Variants in RNF6 observed in about 807,000 individuals in gnomAD.
RNF6 encodes the protein ring finger protein 6.
A neutral mutation model predicts 50.1 loss-of-function variants in RNF6; 21 were observed. The ratio of observed to expected loss-of-function variants is 0.42; its 90% CI spans 0.30 to 0.60. The LOEUF (loss-of-function observed/expected upper bound fraction) is 0.60. Ranked by LOEUF, RNF6 falls within the 20% of genes least tolerant of loss-of-function variation. The probability of loss-of-function intolerance (pLI) is 0.20; values close to 1 mark genes in which losing one functional copy is unlikely to be tolerated. For missense variants in RNF6, 698 were observed against 838.2 expected (o/e 0.83, Z 2.07); for synonymous variants, 255 against 291.8 (o/e 0.87, Z 1.29).
At chr13:26,171,432 G>A (rs1307729663) in intron 5 of RNF6, among the ~76,000 whole-genome samples, 2 of 152,158 alleles carry the variant, frequency 1.3e-5, no homozygotes, top group South Asian at 2.1e-4. Flanking sequence ...GAAATTGAAA[G>A]CATTGTGCAT....
intron 5 of RNF6, among the ~76,000 whole-genome samples, chr13:26,167,924 C>A (rs929410682): frequency 2.0e-5 from 3 of 152,152 alleles, no homozygotes; most frequent in African/African-American, 7.2e-5. Flanking sequence ...AGGCTATTAT[C>A]CTTAGCAAAC....
intron 5 of RNF6, among the ~76,000 whole-genome samples, chr13:26,202,998 T>G (rs564801): frequency 0.21 from 31,203 of 152,166 alleles, 3,433 homozygotes; most frequent in African/African-American, 0.27. Flanking sequence ...TTAACCCCAC[T>G]AGGTAAGTGT....
At chr13:26,156,672 A>G (rs943199554) in intron 5 of RNF6, among the ~76,000 whole-genome samples, 4 of 152,222 alleles carry the variant, frequency 2.6e-5, no homozygotes, top group Admixed American at 6.5e-5. Flanking sequence ...TCTGACCACA[A>G]TGCAATAAAA....
In RNF6 at chr13:26,214,349, C is replaced by G; in HGVS notation, c.1533G>C (p.Gln511His). The G allele has an allele frequency of 1.9e-6, 3 of 1,614,134 alleles. No individual in the cohort carries two copies. The highest frequency in any genetic ancestry group is 2.5e-6 in the Non-Finnish European group (3 of 1,180,034). The change falls in exon 5 of 5, where the codon CAG (glutamine) becomes CAC (histidine). Residue 511 changes from glutamine to histidine, a missense_variant. Coordinates refer to ENST00000381588, the MANE Select transcript of RNF6 (RefSeq NM_005977.4). ...DSESELQRNG[Q>H]HLPDMHSELS... ...GTTCTGAGTGCATGTCTGGTAAATG[C>G]TGGCCATTTCTTTGAAGTTCTGACT...
intron 5 of RNF6, among the ~76,000 whole-genome samples, chr13:26,180,061 T>C (rs1566423150): frequency 6.6e-6 from 1 of 152,134 alleles, no homozygotes; most frequent in Non-Finnish European, 1.5e-5. Context: ...GCAGGAGCCA[T>C]TGGCAGTAAC....
At chr13:26,219,079 G>A (rs1253050252) in intron 3 of RNF6, among the ~76,000 whole-genome samples, 2 of 151,966 alleles carry the variant, frequency 1.3e-5, no homozygotes, top group African/African-American at 2.4e-5. Flanking sequence ...GGGCTTTGGG[G>A]GGAGCTATTA....
chr13:26,152,324 G>T (rs1004789512), intron 5 of RNF6, among the ~76,000 whole-genome samples: 1 of 152,106 alleles, frequency 6.6e-6, no homozygotes, highest in African/African-American at 2.4e-5. Context: ...CAGTTTCCAC[G>T]CGTTTGCTCA....
At chr13:26,191,762 T>A (rs1409474495) in intron 5 of RNF6, among the ~76,000 whole-genome samples, 1 of 152,204 alleles carries the variant, frequency 6.6e-6, no homozygotes. Flanking sequence ...CAGGTAGTTA[T>A]TTATAGAAGT....
At chr13:26,162,812 C>T (rs1404437012) in intron 5 of RNF6, among the ~76,000 whole-genome samples, 2 of 152,178 alleles carry the variant, frequency 1.3e-5, no homozygotes, top group African/African-American at 4.8e-5. Flanking sequence ...TATTTTAAGA[C>T]TTGTCAAAGA....
At chr13:26,201,974 T>C (rs1309429566) in intron 5 of RNF6, among the ~76,000 whole-genome samples, 3 of 152,146 alleles carry the variant, frequency 2.0e-5, no homozygotes, top group Non-Finnish European at 2.9e-5. Flanking sequence ...AGGCTACTTA[T>C]GAAGGTGTGT....
At chr13:26,164,370 C>A (rs931761407) in intron 5 of RNF6, among the ~76,000 whole-genome samples, 3 of 152,122 alleles carry the variant, frequency 2.0e-5, no homozygotes, top group African/African-American at 7.2e-5. Flanking sequence ...CTTCATCTTT[C>A]TATGTTGTGT....
intron 5 of RNF6, among the ~76,000 whole-genome samples, chr13:26,166,625 T>C (rs1372498819): frequency 2.0e-5 from 3 of 152,088 alleles, no homozygotes; most frequent in African/African-American, 7.2e-5. Flanking sequence ...AAGAATAAAA[T>C]ACCTAGGAAT....
At chr13:26,217,338 G>A (rs1869989859) in intron 4 of RNF6, among the ~76,000 whole-genome samples, 1 of 152,324 alleles carries the variant, frequency 6.6e-6, no homozygotes, top group East Asian at 1.9e-4. Context: ...ATTAACATTT[G>A]ATTAAGTGTA....
intron 5 of RNF6, among the ~76,000 whole-genome samples, chr13:26,143,738 A>G (rs1259751970): frequency 1.2e-4 from 18 of 152,198 alleles, no homozygotes; most frequent in Non-Finnish European, 1.0e-4. Context: ...AGTCTTCAAA[A>G]GCCTATTTTA....
intron 5 of RNF6, among the ~76,000 whole-genome samples, chr13:26,186,525 CGCGCACACACATGCACGTGCACGA>C (rs1304376547): frequency 5.3e-5 from 8 of 152,344 alleles, no homozygotes; most frequent in Non-Finnish European, 8.8e-5. Flanking sequence ...TGTTAGGGCG[CGCGCACACACATGCACGTGCACGA>C]GCGCACGTAC....
At chr13:26,218,862 T>C (rs1870172184) in intron 3 of RNF6, among the ~76,000 whole-genome samples, 1 of 152,218 alleles carries the variant, frequency 6.6e-6, no homozygotes, top group South Asian at 2.1e-4. Context: ...GTGCTGCCAG[T>C]TGATACACTT....
intron 5 of RNF6, among the ~76,000 whole-genome samples, chr13:26,185,261 A>C (rs1472228486): frequency 6.6e-6 from 1 of 152,064 alleles, no homozygotes; most frequent in African/African-American, 2.4e-5. Context: ...CTCGGCCTCC[A>C]AAAGTGCTGG....
intron 5 of RNF6, among the ~76,000 whole-genome samples, chr13:26,201,982 T>A (rs768245495): frequency 1.3e-5 from 2 of 152,164 alleles, no homozygotes; most frequent in Non-Finnish European, 2.9e-5. Flanking sequence ...TATGAAGGTG[T>A]GTGGTTCTAG....
intron 1 of RNF6, 42 bp from the exon 2 acceptor site, chr13:26,221,372 T>A: frequency 6.6e-6 from 1 of 152,238 alleles, no homozygotes; most frequent in Non-Finnish European, 1.5e-5. Flanking sequence ...ATAAACTGTT[T>A]CTTTAAAGGC....
Sources: allele counts gnomAD v4.1 joint callset (sites outside exome capture counted in the v4.1 genomes callset), GRCh38; gene constraint gnomAD v4.1.1; transcripts MANE v1.5; gene names NCBI Gene and HGNC (gene_info 2026-07-23, HGNC 2026-07-21).